SLC9C2: variants seen among roughly 807,000 people sequenced by gnomAD.
SLC9C2 encodes solute carrier family 9 member C2 (putative).
A neutral mutation model predicts 140.2 loss-of-function variants in SLC9C2; 75 were observed. The observed-to-expected ratio is 0.53, with a 90% confidence interval of 0.44 to 0.65. The LOEUF is 0.65. SLC9C2 is among the 30% of genes least tolerant of loss of function. SLC9C2 has a pLI of 0.00. For synonymous variants in SLC9C2, 375 were observed against 420.9 expected, an observed-to-expected ratio of 0.89 and a Z score of 1.34; for missense variants, 1,074 against 1,331.8, an observed-to-expected ratio of 0.81 and a Z score of 3.01.
intron 8 of SLC9C2, among the ~76,000 whole-genome samples, chr1:173,573,906 T>C (rs1214849942): frequency 1.3e-5 from 2 of 152,198 alleles, no homozygotes; most frequent in African/African-American, 2.4e-5. Flanking sequence ...GTGGAGGTGG[T>C]CCTGCTCTGA....
intron 4 of SLC9C2, among the ~76,000 whole-genome samples, chr1:173,594,862 A>G (rs1666355634): frequency 6.6e-6 from 1 of 152,150 alleles, no homozygotes; most frequent in Non-Finnish European, 1.5e-5. Flanking sequence ...AGAAAAGAGC[A>G]CTTACAGTGT....
intron 4 of SLC9C2, among the ~76,000 whole-genome samples, chr1:173,593,498 C>A (rs888708331): frequency 5.3e-5 from 8 of 152,138 alleles, no homozygotes; most frequent in African/African-American, 1.9e-4. Flanking sequence ...CTAGCCTGGG[C>A]AGTAGAGTGA....
chr1:173,561,535 C>T (rs1263869049), intron 9 of SLC9C2, among the ~76,000 whole-genome samples: 1 of 152,160 alleles, frequency 6.6e-6, no homozygotes, highest in Non-Finnish European at 1.5e-5. Flanking sequence ...AGTTCCAGCT[C>T]TTCACACTGG....
intron 13 of SLC9C2, among the ~76,000 whole-genome samples, chr1:173,541,657 G>A (rs903330378): frequency 3.3e-5 from 5 of 152,280 alleles, no homozygotes; most frequent in Middle Eastern, 3.4e-3. Context: ...ACAACAAACT[G>A]TCTCTCAGAC....
chr1:173,524,071 T>G lies in SLC9C2; in HGVS notation c.2538A>C (p.Ala846=), dbSNP rs1439112445. 2.5e-6 allele frequency: 4 copies of G among 1,611,064 alleles called. No individual in the cohort carries two copies. In the African/African-American group the frequency reaches 5.4e-5, roughly 22 times the overall value. ...GGATTGCCTTTGGAAAGTTATTTAG[T>G]GCTTTTAATTTTTTAAGAAGTACCT... ...INKVLLKKLK[A]LNNFPKAIPP... Residue 846 remains alanine, a synonymous_variant, in exon 21 of 28, where the codon GCA becomes GCC. Coordinates refer to ENST00000367714, the MANE Select transcript of SLC9C2 (RefSeq NM_178527.4).
At chr1:173,600,697 T>C (rs1335640212) in intron 2 of SLC9C2, among the ~76,000 whole-genome samples, 5 of 152,154 alleles carry the variant, frequency 3.3e-5, no homozygotes. Context: ...AAAGATATGT[T>C]TTTTACACTC....
intron 8 of SLC9C2, among the ~76,000 whole-genome samples, chr1:173,573,732 A>T (rs544670440): frequency 3.3e-5 from 5 of 152,320 alleles, no homozygotes; most frequent in African/African-American, 1.2e-4. Flanking sequence ...TAATACGATC[A>T]TCTCAATGCT....
intron 7 of SLC9C2, among the ~76,000 whole-genome samples, chr1:173,578,282 T>C (rs1027619735): frequency 1.3e-5 from 2 of 152,212 alleles, no homozygotes; most frequent in Admixed American, 6.5e-5. Context: ...CTCAATCAGA[T>C]GCTTTTTGGA....
rs200409351 is a variant in SLC9C2 at position 173,526,664 on chromosome 1, T to A, written c.2364A>T (p.Leu788Phe). Residue 788 changes from leucine (L) to phenylalanine (F), a missense_variant and splice_region_variant, in exon 19 of 28, where the codon TTA (leucine) becomes TTT (phenylalanine). By Grantham distance (22) the Leu-to-Phe change is conservative (BLOSUM62 0). Transcript: ENST00000367714. ...ETNKQDAVKE[L>F]VLMEHEGRDV... Reference sequence around the variant, plus strand: ...AACTCAGATACTTCAACTACCTACCTAATTCTTTGACAGCATCCTGTTTGT... The same window carrying A: ...AACTCAGATACTTCAACTACCTACCAAATTCTTTGACAGCATCCTGTTTGT... The A allele has an allele frequency of 1.9e-6, 3 of 1,592,150 alleles. No individual in the cohort carries two copies. The highest frequency in any genetic ancestry group is 2.6e-6 in the Non-Finnish European group (3 of 1,174,086).
At chr1:173,601,441 A>G (rs970352935) in intron 2 of SLC9C2, among the ~76,000 whole-genome samples, 1 of 152,202 alleles carries the variant, frequency 6.6e-6, no homozygotes, top group Non-Finnish European at 1.5e-5. Context: ...CATGTCTACC[A>G]CACTACCATG....
Position 173,563,947 on chromosome 1 carries a change from CAT to C in SLC9C2, c.1047-6441_1047-6440del, listed in dbSNP as rs201480790. 3.4e-4 allele frequency among the ~76,000 whole-genome samples: 52 copies of C among 152,194 alleles called. No individual in the cohort carries two copies. In the East Asian group the frequency reaches 8.5e-3, roughly 25 times the overall value. Reference sequence around the variant, plus strand: ...TTTACATCCCACAAATAAGTGAAAACATGTGAAATTTGTCTTTCTGTGCCTGG... The same window carrying C: ...TTTACATCCCACAAATAAGTGAAAACGTGAAATTTGTCTTTCTGTGCCTGG... On this transcript the variant is annotated intron_variant, in intron 9 of 27. Coordinates refer to ENST00000367714, the MANE Select transcript of SLC9C2 (RefSeq NM_178527.4).
At chr1:173,592,152 G>A (rs1008515832) in intron 4 of SLC9C2, among the ~76,000 whole-genome samples, 1 of 152,088 alleles carries the variant, frequency 6.6e-6, no homozygotes, top group Non-Finnish European at 1.5e-5. Flanking sequence ...GTTTTTATCA[G>A]CTTTGTTGAA....
chr1:173,582,318 CA>C (rs934122424), intron 6 of SLC9C2, among the ~76,000 whole-genome samples: 2 of 151,834 alleles, frequency 1.3e-5, no homozygotes. Context: ...AATGTCTAAA[CA>C]AAAAAAATCT....
chr1:173,585,163 G>A (rs969840210), intron 5 of SLC9C2, among the ~76,000 whole-genome samples: 17 of 152,014 alleles, frequency 1.1e-4, no homozygotes, highest in Admixed American at 3.9e-4. Flanking sequence ...TTATTTAAGC[G>A]CTTACACTCT....
At chr1:173,509,308 G>C (rs925677705) in intron 24 of SLC9C2, among the ~76,000 whole-genome samples, 2 of 152,050 alleles carry the variant, frequency 1.3e-5, no homozygotes, top group Middle Eastern at 3.4e-3. Context: ...AGCCAGAGGT[G>C]GGGGCAGGCG....
intron 22 of SLC9C2, among the ~76,000 whole-genome samples, chr1:173,518,608 A>G (rs73025495): frequency 0.014 from 2,148 of 152,278 alleles, 58 homozygotes; most frequent in African/African-American, 0.05. Context: ...TTTAGGGGGA[A>G]GCTGAAAGAA....
intron 22 of SLC9C2, 31 bp from the exon 23 acceptor site, chr1:173,517,735 A>G (rs1404965881): frequency 1.3e-6 from 2 of 1,570,440 alleles, no homozygotes; most frequent in African/African-American, 2.8e-5. Context: ...TGCAAAGGGA[A>G]AGAAAAAATG....
intron 13 of SLC9C2, among the ~76,000 whole-genome samples, chr1:173,542,517 G>A (rs1447658809): frequency 3.9e-5 from 6 of 152,170 alleles, no homozygotes; most frequent in Non-Finnish European, 8.8e-5. Context: ...TATGAGGCCA[G>A]TGTCATCCTG....
At chr1:173,501,656 G>A (rs560208703) in intron 27 of SLC9C2, among the ~76,000 whole-genome samples, 8 of 151,504 alleles carry the variant, frequency 5.3e-5, no homozygotes, top group South Asian at 4.2e-4. Context: ...AACTACAGGC[G>A]CCCACCACCA....
Sources: allele counts gnomAD v4.1 joint callset (sites outside exome capture counted in the v4.1 genomes callset), GRCh38; gene constraint gnomAD v4.1.1; transcripts MANE v1.5; gene names NCBI Gene and HGNC (gene_info 2026-07-23, HGNC 2026-07-21).